PTGFRN: variants seen among roughly 807,000 people sequenced by gnomAD.
PTGFRN encodes prostaglandin F2 receptor negative regulator.
A neutral mutation model predicts 83.2 loss-of-function variants in PTGFRN; 35 were observed. That is an observed-to-expected ratio of 0.42 (90% CI 0.32 to 0.56). The LOEUF is 0.56. Among genes scored for constraint, PTGFRN ranks in the 20% least tolerant of loss-of-function variants. PTGFRN has a pLI of 0.11. For synonymous variants in PTGFRN, 519 were observed against 498.6 expected (o/e 1.04, Z -0.55); for missense variants, 1,051 against 1,179.5 (o/e 0.89, Z 1.60).
intron 1 of PTGFRN, among the ~76,000 whole-genome samples, chr1:116,937,475 G>A (rs1242371313): frequency 6.6e-6 from 1 of 152,230 alleles, no homozygotes; most frequent in Non-Finnish European, 1.5e-5. Context: ...ACAGCACTGG[G>A]GGTGGCTGAT....
At chr1:116,922,888 T>C (rs899005386) in intron 1 of PTGFRN, among the ~76,000 whole-genome samples, 2 of 152,154 alleles carry the variant, frequency 1.3e-5, no homozygotes, top group Non-Finnish European at 2.9e-5. Flanking sequence ...CTTCTTTGGT[T>C]TATATATTTG....
intron 6 of PTGFRN, 59 bp downstream of exon 6, chr1:116,967,389 T>C: frequency 6.7e-7 from 1 of 1,494,994 alleles, no homozygotes; most frequent in Non-Finnish European, 9.0e-7. Context: ...AGGGTTTTGA[T>C]CAGATGCCCT....
chr1:116,961,722 C>A lies in PTGFRN; in HGVS notation c.1639+54C>A. 2 of 1,512,930 alleles carry A rather than the reference C, an allele frequency of 1.3e-6. No homozygotes were observed. The highest frequency in any genetic ancestry group is 1.4e-5 in the African/African-American group (1 of 72,348). 93.7% of individuals were successfully genotyped at this position (1,512,930 alleles called of 1,614,324 possible). A position where few individuals can be genotyped will look rare whatever the true frequency, so the allele number is the denominator to read the frequency against. On this transcript the variant is annotated intron_variant, in intron 5 of 8. Transcript: ENST00000393203. This position sits in a 1 kb window ranked among gnomAD's most constrained non-coding sequence, Gnocchi z 5.4. ...TTGTTTTGTCTTTGCTTAAGTCGTG[C>A]CGCTGTGTGTTGATGCACAGTCACC...
intron 1 of PTGFRN, among the ~76,000 whole-genome samples, chr1:116,917,705 T>C (rs1322031503): frequency 6.6e-6 from 1 of 152,132 alleles, no homozygotes; most frequent in Non-Finnish European, 1.5e-5. Flanking sequence ...TCACGGCTCA[T>C]TGCAGCATGA....
chr1:116,959,470 A>G (rs1650585210), intron 4 of PTGFRN, among the ~76,000 whole-genome samples: 1 of 152,216 alleles, frequency 6.6e-6, no homozygotes, highest in African/African-American at 2.4e-5. Flanking sequence ...AGAAATCATG[A>G]TGTTATAAAT....
chr1:116,956,639 G>A (rs1650505502), intron 4 of PTGFRN, among the ~76,000 whole-genome samples: 1 of 152,218 alleles, frequency 6.6e-6, no homozygotes, highest in Non-Finnish European at 1.5e-5. Flanking sequence ...AGTGGGTGCT[G>A]CGGCTGGGTG....
intron 4 of PTGFRN, among the ~76,000 whole-genome samples, chr1:116,957,177 T>G (rs913816558): frequency 8.0e-5 from 11 of 137,924 alleles, no homozygotes; most frequent in East Asian, 4.5e-4. Flanking sequence ...GTGTGTGTGT[T>G]TGTGTTTGTG....
At chr1:116,983,536 CCA>C (rs1651379488) in intron 7 of PTGFRN, among the ~76,000 whole-genome samples, 1 of 149,530 alleles carries the variant, frequency 6.7e-6, no homozygotes, top group Non-Finnish European at 1.5e-5. Context: ...TGCTCAAGTG[CCA>C]CAGTGGGTCA....
chr1:116,976,455 G>A (rs1297758248), intron 7 of PTGFRN, among the ~76,000 whole-genome samples: 1 of 152,220 alleles, frequency 6.6e-6, no homozygotes. Flanking sequence ...AGGAAAAAAT[G>A]TTAAGGGCTG....
intron 4 of PTGFRN, 86 bp downstream of exon 4, chr1:116,949,658 C>T (rs1019522418): frequency 1.1e-5 from 17 of 1,500,746 alleles, no homozygotes; most frequent in Admixed American, 4.4e-5. Flanking sequence ...GGAGGCTCTG[C>T]GCTTTGCATG....
intron 4 of PTGFRN, among the ~76,000 whole-genome samples, chr1:116,956,782 GGTT>G (rs1160336170): frequency 1.3e-5 from 2 of 152,216 alleles, no homozygotes; most frequent in Non-Finnish European, 2.9e-5. Flanking sequence ...GGCAATGGGA[GGTT>G]GTTATTATAG....
At chr1:116,963,098 C>G (rs1385564586) in intron 5 of PTGFRN, among the ~76,000 whole-genome samples, 1 of 152,210 alleles carries the variant, frequency 6.6e-6, no homozygotes, top group African/African-American at 2.4e-5. Context: ...TCAAAGGCAG[C>G]TTTCTGCAGC....
chr1:116,981,790 CTT>C lies in PTGFRN; in HGVS notation c.2168-2888_2168-2887del, dbSNP rs142091538. On this transcript the variant is annotated intron_variant, in intron 7 of 8. Coordinates refer to ENST00000393203, the MANE Select transcript of PTGFRN (RefSeq NM_020440.4). ...ATGGGCATAGCTGTGTTCAGTGAAA[CTT>C]TATTTACAAAAGCAGGTGGTGGGCT... Among the ~76,000 whole-genome samples, 737 of 152,326 alleles carry C rather than the reference CTT, an allele frequency of 4.8e-3. 5 individuals are homozygous for C. Among genetic ancestry groups the C allele is most frequent in the African/African-American group, 0.017 (708 of 41,584 alleles).
In PTGFRN at chr1:116,949,450, G is replaced by C. The variant is rs1650284002; in HGVS notation, c.1091G>C (p.Ser364Thr). The C allele has an allele frequency of 5.6e-6, 9 of 1,614,118 alleles. No homozygotes were observed. The highest frequency in any genetic ancestry group is 7.6e-6 in the Non-Finnish European group (9 of 1,180,046). ...TACCATTTACTGGTTCGGGATGTTA[G>C]CAAAGAAAACTCTGGCTACTATTAC... Reference protein sequence around the residue: ...RSYHLLVRDVSKENSGYYYCH... With the variant: ...RSYHLLVRDVTKENSGYYYCH... Residue 364 changes from serine (S) to threonine (T), a missense_variant, in exon 4 of 9, where the codon AGC (serine) becomes ACC (threonine). Coordinates refer to ENST00000393203, the MANE Select transcript of PTGFRN (RefSeq NM_020440.4).
intron 4 of PTGFRN, among the ~76,000 whole-genome samples, chr1:116,954,347 C>T (rs760096111): frequency 1.4e-5 from 2 of 147,680 alleles, no homozygotes; most frequent in South Asian, 2.2e-4. Flanking sequence ...CATTAAATGT[C>T]GGTGAATATT....
At chr1:116,972,416 T>C (rs1235272359) in intron 6 of PTGFRN, among the ~76,000 whole-genome samples, 1 of 152,174 alleles carries the variant, frequency 6.6e-6, no homozygotes, top group Non-Finnish European at 1.5e-5. Context: ...TTTACCTTTC[T>C]CCCAGGAAAA....
chr1:116,987,072 T>C lies in PTGFRN; in HGVS notation c.*105T>C. ...AGTGTGTTACACTAAAAACCAGTCC[T>C]CTCTAATCTCAGGTGGGACTTGGCG... On this transcript the variant is annotated 3_prime_UTR_variant, in exon 9 of 9. Coordinates refer to ENST00000393203, the MANE Select transcript of PTGFRN (RefSeq NM_020440.4). 7.3e-7 allele frequency: 1 copy of C among 1,362,364 alleles called. No homozygotes were observed. Among genetic ancestry groups the C allele is most frequent in the South Asian group, 1.3e-5 (1 of 75,038 alleles). 84.4% of individuals were successfully genotyped at this position (1,362,364 alleles called of 1,614,324 possible).
Position 116,941,842 on chromosome 1 carries a change from C to T in PTGFRN, c.177C>T (p.Ser59=), listed in dbSNP as rs1650070030. The change falls in exon 2 of 9, where the codon AGC becomes AGT. Residue 59 remains serine, a synonymous_variant. Transcript: ENST00000393203. The surrounding 1 kb of genome is among the most constrained non-coding windows in gnomAD (Gnocchi z 5.0). ...CCAGCGAGCAAAACTTTGACTGGAG[C>T]TTCTCATCTTTGGGGAGCAGCTTTG... ...DGPSEQNFDW[S]FSSLGSSFVE... 1 of 1,614,034 alleles carries T rather than the reference C, an allele frequency of 6.2e-7. No homozygotes were observed. The highest frequency in any genetic ancestry group is 8.5e-7 in the Non-Finnish European group (1 of 1,180,044).
rs200993488 is a variant in PTGFRN, at chr1:116,945,011, G to A, written c.751G>A (p.Glu251Lys). Reference protein sequence around the residue: ...DQGSYRCIVSEWIAEQGNWQE... With the variant: ...DQGSYRCIVSKWIAEQGNWQE... ...GGGCTCCTACAGGTGTATCGTCAGC[G>A]AGTGGATCGCCGAGCAGGGCAACTG... The change falls in exon 3 of 9, where the codon GAG (glutamate) becomes AAG (lysine). Residue 251 changes from glutamate (E) to lysine (K), a missense_variant. By Grantham distance (56) the Glu-to-Lys change is moderately conservative (BLOSUM62 1). Transcript: ENST00000393203. The A allele has an allele frequency of 1.9e-6, 3 of 1,613,788 alleles. No individual in the cohort carries two copies. The highest frequency in any genetic ancestry group is 2.5e-6 in the Non-Finnish European group (3 of 1,180,040).
Sources: gnomAD v4.1 joint callset for allele counts (sites outside exome capture counted in the v4.1 genomes callset) on GRCh38, gnomAD v4.1.1 for gene constraint, Gnocchi (gnomAD v3.1) non-coding constraint, MANE v1.5 for transcripts, NCBI Gene and HGNC (gene_info 2026-07-23, HGNC 2026-07-21) for gene names.